Variants in FAM118A observed in about 807,000 individuals in gnomAD.
The protein encoded by FAM118A is SIR2 antiphage like 2.
FAM118A carries 25 observed loss-of-function variants against 38.2 expected under a neutral mutation model. That is an observed-to-expected ratio of 0.65 (90% CI 0.48 to 0.91). The LOEUF is 0.91. Ranked by LOEUF, FAM118A falls within the 40% of genes least tolerant of loss-of-function variation. The pLI, the probability that FAM118A is intolerant of heterozygous loss-of-function variation, is 0.00. For synonymous variants in FAM118A, 178 were observed against 184.1 expected, an observed-to-expected ratio of 0.97 and a Z score of 0.27; for missense variants, 425 against 463.3, an observed-to-expected ratio of 0.92 and a Z score of 0.76.
In FAM118A at chr22:45,323,422, T is replaced by G. The variant is rs1292279101; in HGVS notation, c.295T>G (p.Ser99Ala). Reference sequence around the variant, plus strand: ...CGCCCATGATCTGATCCGGAAGATGTCACCTGTAAGTGTCAGACAAGTACC... The same window carrying G: ...CGCCCATGATCTGATCCGGAAGATGGCACCTGTAAGTGTCAGACAAGTACC... Reference protein sequence around the residue: ...VVAHDLIRKMSPRTGDAKPSF... With the variant: ...VVAHDLIRKMAPRTGDAKPSF... Residue 99 changes from serine (S) to alanine (A), a missense_variant, in exon 3 of 9, where the codon TCA becomes GCA. Coordinates refer to ENST00000441876, the MANE Select transcript of FAM118A (RefSeq NM_017911.4). The G allele has an allele frequency of 6.2e-7, 1 of 1,612,672 alleles. No individual in the cohort carries two copies. Among genetic ancestry groups the G allele is most frequent in the Non-Finnish European group, 8.5e-7 (1 of 1,178,928 alleles).
intron 8 of FAM118A, chr22:45,337,871 A>G (rs893741609): frequency 5.1e-5 from 50 of 985,284 alleles, no homozygotes; most frequent in Non-Finnish European, 5.8e-5. Context: ...GAGTTTTGGC[A>G]TGGGATTCTC....
At chr22:45,312,518 C>A (rs1401392194) in intron 1 of FAM118A, among the ~76,000 whole-genome samples, 1 of 152,112 alleles carries the variant, frequency 6.6e-6, no homozygotes, top group African/African-American at 2.4e-5. Flanking sequence ...ACTAAAAATA[C>A]AAAAAATTAG....
At chr22:45,313,270 G>A (rs1031001335) in intron 1 of FAM118A, among the ~76,000 whole-genome samples, 4 of 151,910 alleles carry the variant, frequency 2.6e-5, no homozygotes, top group African/African-American at 7.3e-5. Flanking sequence ...AGGACTAGAG[G>A]GGCTGGAACT....
chr22:45,316,657 T>G (rs927897831), intron 1 of FAM118A, among the ~76,000 whole-genome samples: 2 of 152,166 alleles, frequency 1.3e-5, no homozygotes, highest in Non-Finnish European at 2.9e-5. Context: ...CTGATTAAAT[T>G]TAGTATTTCC....
Position 45,340,438 on chromosome 22 carries a change from T to C in FAM118A, c.*33T>C. Reference sequence around the variant, plus strand: ...ACAGTAAAACCTGCAACTTGAAAACTAGCCTTCTGTAACCACAGTGCCCAA... The same window carrying C: ...ACAGTAAAACCTGCAACTTGAAAACCAGCCTTCTGTAACCACAGTGCCCAA... On this transcript the variant is annotated 3_prime_UTR_variant, in exon 9 of 9. Transcript: ENST00000441876. 1 of 1,613,072 alleles carries C rather than the reference T, an allele frequency of 6.2e-7. No individual in the cohort carries two copies. The highest frequency in any genetic ancestry group is 8.5e-7 in the Non-Finnish European group (1 of 1,178,976).
chr22:45,330,398 G>T, intron 4 of FAM118A: 1 of 382,758 alleles, frequency 2.6e-6, no homozygotes, highest in Non-Finnish European at 4.5e-6. Context: ...TTACAGGTGT[G>T]ACTGTACCGT....
At chr22:45,336,728 A>G (rs1352732657) in intron 8 of FAM118A, among the ~76,000 whole-genome samples, 2 of 152,218 alleles carry the variant, frequency 1.3e-5, no homozygotes, top group Non-Finnish European at 2.9e-5. Flanking sequence ...AAAAGTGCAC[A>G]AGTTACATAA....
chr22:45,323,295 C>A lies in FAM118A; in HGVS notation c.168C>A (p.Ile56=). 2 of 1,614,162 alleles carry A rather than the reference C, an allele frequency of 1.2e-6. No individual in the cohort carries two copies. The highest frequency in any genetic ancestry group is 1.7e-6 in the Non-Finnish European group (2 of 1,180,008). ...CCCTTTGCTCGTGGAGAAGCTGCATCGAGGCCGTCATCGAGGCTGCAGAGC... is the reference window on the plus strand; with the variant it reads ...CCCTTTGCTCGTGGAGAAGCTGCATAGAGGCCGTCATCGAGGCTGCAGAGC... ...IPALCSWRSC[I]EAVIEAAEQL... The change falls in exon 3 of 9, where the codon ATC becomes ATA. Residue 56 remains isoleucine (I), a synonymous_variant. Coordinates refer to ENST00000441876, the MANE Select transcript of FAM118A (RefSeq NM_017911.4).
intron 7 of FAM118A, 39 bp from the exon 8 acceptor site, chr22:45,336,289 C>T: frequency 6.4e-7 from 1 of 1,550,962 alleles, no homozygotes. Context: ...CGAGTGGATT[C>T]TGAATAAACA....
chr22:45,340,525 C>A lies in FAM118A; in HGVS notation c.*120C>A. The A allele has an allele frequency of 2.5e-6, 3 of 1,207,628 alleles. No individual in the cohort carries two copies. Among genetic ancestry groups the A allele is most frequent in the Non-Finnish European group, 3.7e-6 (3 of 814,664 alleles). 74.8% of individuals were successfully genotyped at this position (1,207,628 alleles called of 1,614,324 possible). A position where few individuals can be genotyped will look rare whatever the true frequency, so the allele number is the denominator to read the frequency against. On this transcript the variant is annotated 3_prime_UTR_variant, in exon 9 of 9. Coordinates refer to ENST00000441876, the MANE Select transcript of FAM118A (RefSeq NM_017911.4). ...CTGATTGCGAAACCGTCACATACAC[C>A]AAGAGAGCCACATGGGCATGTGGCC...
chr22:45,340,487 T>C lies in FAM118A; in HGVS notation c.*82T>C. On this transcript the variant is annotated 3_prime_UTR_variant, in exon 9 of 9. Coordinates refer to ENST00000441876, the MANE Select transcript of FAM118A (RefSeq NM_017911.4). The stretch of plus-strand genomic sequence containing the variant: ...AAACGAAGAGGAATGTATGGAGAAC[T>C]CCACGTGGATCTCTGATTGCGAAAC... The C allele has an allele frequency of 6.7e-7, 1 of 1,484,986 alleles. No individual in the cohort carries two copies. Among genetic ancestry groups the C allele is most frequent in the Non-Finnish European group, 9.4e-7 (1 of 1,062,518 alleles). 92.0% of individuals were successfully genotyped at this position (1,484,986 alleles called of 1,614,324 possible). A position where few individuals can be genotyped will look rare whatever the true frequency, so the allele number is the denominator to read the frequency against.
chr22:45,309,235 A>T (rs548812640), upstream of FAM118A: 1 of 152,286 alleles, frequency 6.6e-6, no homozygotes, highest in South Asian at 2.1e-4. Flanking sequence ...GTATTTCTTG[A>T]TGAGGGAAGA....
At chr22:45,335,158 C>T (rs1457804912) in intron 6 of FAM118A, 192 bp from the exon 7 acceptor site, 8 of 586,586 alleles carry the variant, frequency 1.4e-5, no homozygotes, top group South Asian at 8.9e-5. Context: ...GCTCCTTCAG[C>T]GAGTCCTCGC....
intron 3 of FAM118A, among the ~76,000 whole-genome samples, chr22:45,324,106 G>A (rs73440455): frequency 0.041 from 6,249 of 152,296 alleles, 473 homozygotes; most frequent in African/African-American, 0.14. Flanking sequence ...GAGTCAGGAC[G>A]GGAGGAGATG....
intron 6 of FAM118A, chr22:45,335,100 G>A: frequency 1.9e-6 from 1 of 513,722 alleles, no homozygotes; most frequent in Non-Finnish European, 3.4e-6. Context: ...GACAGTGACA[G>A]TCATGCTAGT....
chr22:45,322,481 C>G (rs2146626668), intron 2 of FAM118A, 55 bp downstream of exon 2: 1 of 1,472,430 alleles, frequency 6.8e-7, no homozygotes. Context: ...TCTAGCGTCT[C>G]TCGTGAGTGT....
At chr22:45,328,748 A>G in intron 4 of FAM118A, 1 of 446,534 alleles carries the variant, frequency 2.2e-6, no homozygotes, top group Non-Finnish European at 4.1e-6. Flanking sequence ...ACTGTACTCC[A>G]GCCTGGGCAA....
At chr22:45,338,024 A>C (rs956432179) in intron 8 of FAM118A, 2 of 369,082 alleles carry the variant, frequency 5.4e-6, no homozygotes, top group African/African-American at 4.4e-5. Flanking sequence ...CCTTGATTAG[A>C]AATTCAATGA....
In FAM118A at chr22:45,336,001, TCA is replaced by T. The variant is rs1255763098; in HGVS notation, c.971-324_971-323del. On this transcript the variant is annotated intron_variant, in intron 7 of 8. Transcript: ENST00000441876. ...TCCCTGGCTGTTTGGCCCAGCGCGT[TCA>T]CAGATGGGAAAACGCGCATCGATGT... 2.0e-5 allele frequency among the ~76,000 whole-genome samples: 3 copies of T among 152,218 alleles called. No homozygotes were observed. In the East Asian group the frequency reaches 5.8e-4, roughly 29 times the overall value.
Sources: allele counts gnomAD v4.1 joint callset (sites outside exome capture counted in the v4.1 genomes callset), GRCh38; gene constraint gnomAD v4.1.1; transcripts MANE v1.5; gene names NCBI Gene and HGNC (gene_info 2026-07-23, HGNC 2026-07-21).